Variants in LRRC4C observed in about 807,000 individuals in gnomAD.
LRRC4C encodes leucine-rich repeat-containing protein 4C.
A neutral mutation model predicts 33.6 loss-of-function variants in LRRC4C; 5 were observed. That is an observed-to-expected ratio of 0.15 (90% CI 0.08 to 0.31). The LOEUF is 0.31. Ranked by LOEUF, LRRC4C falls within the 10% of genes least tolerant of loss-of-function variation. The pLI is 1.00. For synonymous variants in LRRC4C, 329 were observed against 302.0 expected (o/e 1.09, Z -0.93); for missense variants, 560 against 796.7 (o/e 0.70, Z 3.58).
At chr11:41,018,922 C>G (rs1358928993) in intron 1 of LRRC4C, among the ~76,000 whole-genome samples, 1 of 152,006 alleles carries the variant, frequency 6.6e-6, no homozygotes, top group South Asian at 2.1e-4. Flanking sequence ...AAAATTTACC[C>G]TTTTTAGGAG....
At chr11:41,070,445 C>A (rs1938593303) in intron 1 of LRRC4C, among the ~76,000 whole-genome samples, 1 of 152,078 alleles carries the variant, frequency 6.6e-6, no homozygotes, top group Non-Finnish European at 1.5e-5. Context: ...AAAGCTTCTG[C>A]ATAGCAAAAG....
intron 1 of LRRC4C, among the ~76,000 whole-genome samples, chr11:41,354,140 C>T (rs1015195891): frequency 1.3e-5 from 2 of 152,086 alleles, no homozygotes; most frequent in Non-Finnish European, 2.9e-5. Flanking sequence ...TAGTCTCTGG[C>T]CAAAGGCTCC....
chr11:41,163,284 G>GTTTTTTTTTTTTT (rs71466923), intron 1 of LRRC4C, among the ~76,000 whole-genome samples: 18,614 of 73,056 alleles, frequency 0.25, 7,480 homozygotes, highest in Non-Finnish European at 0.34. Context: ...TACTGTAACT[G>GTTTTTTTTTTTTT]TTTTTTTTTT....
intron 3 of LRRC4C, among the ~76,000 whole-genome samples, chr11:40,512,932 A>G (rs184115839): frequency 1.9e-4 from 29 of 152,268 alleles, no homozygotes; most frequent in Non-Finnish European, 3.5e-4. Context: ...CTAGAGTGGC[A>G]GACAAATATT....
chr11:41,226,512 CAT>C (rs1417893667), intron 1 of LRRC4C, among the ~76,000 whole-genome samples: 1 of 152,138 alleles, frequency 6.6e-6, no homozygotes, highest in Non-Finnish European at 1.5e-5. Flanking sequence ...TGTCTTCACA[CAT>C]AGACACTTAT....
At chr11:40,221,065 G>C (rs1223827379) in intron 5 of LRRC4C, among the ~76,000 whole-genome samples, 2 of 151,764 alleles carry the variant, frequency 1.3e-5, no homozygotes, top group Non-Finnish European at 2.9e-5. Flanking sequence ...TAGTAGAGAC[G>C]GGGTTTCACC....
chr11:40,756,769 A>G (rs1227276999), intron 2 of LRRC4C, among the ~76,000 whole-genome samples: 2 of 152,086 alleles, frequency 1.3e-5, no homozygotes, highest in East Asian at 3.9e-4. Flanking sequence ...ATTACCTAGA[A>G]ACTGATTATA....
rs572329701 is a variant in LRRC4C at position 40,148,627 on chromosome 11, G to A, written c.-95-7774C>T. 2.4e-4 allele frequency among the ~76,000 whole-genome samples: 37 copies of A among 152,096 alleles called. No homozygotes were observed. The South Asian group carries it at 2.9e-3, about 12-fold the overall frequency. Reference sequence around the variant, plus strand: ...TTGTAAATATTTTCTTCCATTCTGGGGGTTGTCTGTTTATTCTGTTGGTAG... The same window carrying A: ...TTGTAAATATTTTCTTCCATTCTGGAGGTTGTCTGTTTATTCTGTTGGTAG... On this transcript the variant is annotated intron_variant, in intron 5 of 6. Coordinates refer to ENST00000528697, the MANE Select transcript of LRRC4C (RefSeq NM_001258419.2).
intron 3 of LRRC4C, among the ~76,000 whole-genome samples, chr11:40,545,369 T>A (rs1956872241): frequency 6.6e-6 from 1 of 152,000 alleles, no homozygotes; most frequent in Non-Finnish European, 1.5e-5. Flanking sequence ...TCCATTACTT[T>A]CAAGCATTTC....
chr11:40,293,104 C>T (rs1293585814), intron 4 of LRRC4C: 1 of 152,350 alleles, frequency 6.6e-6, no homozygotes, highest in Non-Finnish European at 1.5e-5. Flanking sequence ...CCCGGCCAGC[C>T]ACCTTCCCCT....
intron 1 of LRRC4C, among the ~76,000 whole-genome samples, chr11:41,045,136 A>C (rs1857684307): frequency 6.6e-6 from 1 of 151,896 alleles, no homozygotes; most frequent in Non-Finnish European, 1.5e-5. Flanking sequence ...ATGTCATTTA[A>C]TCTCATTCAT....
chr11:40,448,469 C>A (rs1473096194), intron 3 of LRRC4C, among the ~76,000 whole-genome samples: 1 of 151,732 alleles, frequency 6.6e-6, no homozygotes, highest in Non-Finnish European at 1.5e-5. Flanking sequence ...TCTCATTGTT[C>A]AACTCCCATG....
chr11:40,407,306 C>A (rs1391957798), intron 3 of LRRC4C, among the ~76,000 whole-genome samples: 2 of 152,060 alleles, frequency 1.3e-5, no homozygotes, highest in East Asian at 3.9e-4. Context: ...AACTACAGCT[C>A]AGACATGTTG....
At chr11:40,529,759 AT>A (rs1424962302) in intron 3 of LRRC4C, among the ~76,000 whole-genome samples, 1 of 152,142 alleles carries the variant, frequency 6.6e-6, no homozygotes, top group Non-Finnish European at 1.5e-5. Flanking sequence ...TCAATCATGA[AT>A]TTCTTCATAC....
rs567840327 is a variant in LRRC4C, at chr11:40,360,105, GA to G, written c.-269-40385del. The stretch of plus-strand genomic sequence containing the variant: ...CAAATAAAAAGTGAAGAAACTATAT[GA>G]AAAAAAATCTTTTGCAGATGTTGAA... On this transcript the variant is annotated intron_variant, in intron 3 of 6. Coordinates refer to ENST00000528697, the MANE Select transcript of LRRC4C (RefSeq NM_001258419.2). Among the ~76,000 whole-genome samples, 364 of 151,940 alleles carry G rather than the reference GA, an allele frequency of 2.4e-3. 1 individual carries two copies. The highest frequency in any genetic ancestry group is 4.4e-3 in the Non-Finnish European group (296 of 67,926).
At chr11:40,513,665 T>C (rs1236571608) in intron 3 of LRRC4C, among the ~76,000 whole-genome samples, 1 of 152,064 alleles carries the variant, frequency 6.6e-6, no homozygotes, top group Non-Finnish European at 1.5e-5. Flanking sequence ...TTAGAAGGGG[T>C]GCATAGAGGA....
chr11:41,357,808 T>C (rs561547123), intron 1 of LRRC4C, among the ~76,000 whole-genome samples: 1 of 152,240 alleles, frequency 6.6e-6, no homozygotes, highest in East Asian at 1.9e-4. Context: ...ATGGGAAGAC[T>C]CAACAGTATC....
intron 3 of LRRC4C, among the ~76,000 whole-genome samples, chr11:40,462,005 G>C (rs1952420776): frequency 6.6e-6 from 1 of 151,902 alleles, no homozygotes; most frequent in Non-Finnish European, 1.5e-5. Context: ...CCATTTGTTA[G>C]AGTGGATACT....
At chr11:40,682,764 A>G (rs968101806) in intron 2 of LRRC4C, among the ~76,000 whole-genome samples, 1 of 151,228 alleles carries the variant, frequency 6.6e-6, no homozygotes, top group South Asian at 2.1e-4. Flanking sequence ...AAATAAATAA[A>G]TAAATAAATA....
Sources: gnomAD v4.1 joint callset for allele counts (sites outside exome capture counted in the v4.1 genomes callset) on GRCh38, gnomAD v4.1.1 for gene constraint, MANE v1.5 for transcripts, NCBI Gene and HGNC (gene_info 2026-07-23, HGNC 2026-07-21) for gene names.